Variants in CLINT1 observed in about 807,000 individuals in gnomAD.
CLINT1 encodes clathrin interactor 1.
A neutral mutation model predicts 70.4 loss-of-function variants in CLINT1; 15 were observed. The ratio of observed to expected loss-of-function variants is 0.21; its 90% CI spans 0.14 to 0.33. CLINT1 has a LOEUF of 0.33. CLINT1 is among the 10% of genes least tolerant of loss of function. The pLI, the probability that CLINT1 is intolerant of heterozygous loss-of-function variation, is 1.00. For synonymous variants in CLINT1, 227 were observed against 254.7 expected (o/e 0.89, Z 1.04); for missense variants, 615 against 778.1 (o/e 0.79, Z 2.49).
chr5:157,842,713 C>A (rs17055032), intron 1 of CLINT1, among the ~76,000 whole-genome samples: 22,051 of 152,112 alleles, frequency 0.14, 1,671 homozygotes, highest in African/African-American at 0.17. Context: ...TTCCTCAAAT[C>A]CAATTTTCAA....
At position 157,813,273 on chromosome 5, in the gene CLINT1, T is replaced by C. The variant is rs745313082; in HGVS notation, c.353-46A>G. 1.8e-5 allele frequency: 28 copies of C among 1,547,234 alleles called. No homozygotes were observed. In the Admixed American group the frequency reaches 1.8e-4, roughly 10 times the overall value. On this transcript the variant is annotated intron_variant, in intron 4 of 11. Coordinates refer to ENST00000411809, the MANE Select transcript of CLINT1 (RefSeq NM_014666.4). ...AAGCAAAACCTAAGAATTCACTTAA[T>C]ATGTATCAAGCTCTTTAAGATTAAA...
At chr5:157,840,376 G>A (rs191076213) in intron 1 of CLINT1, among the ~76,000 whole-genome samples, 3 of 151,834 alleles carry the variant, frequency 2.0e-5, no homozygotes, top group Non-Finnish European at 2.9e-5. Context: ...ATGAAATCCT[G>A]GAATGGGACA....
intron 1 of CLINT1, among the ~76,000 whole-genome samples, chr5:157,819,456 C>T (rs899307800): frequency 2.8e-4 from 43 of 152,200 alleles, no homozygotes; most frequent in African/African-American, 9.1e-4. Flanking sequence ...AATACATTTT[C>T]GTTAAAATCC....
At chr5:157,801,898 G>GTT (rs35066308) in intron 8 of CLINT1, among the ~76,000 whole-genome samples, 2 of 146,362 alleles carry the variant, frequency 1.4e-5, no homozygotes, top group Non-Finnish European at 3.0e-5. Flanking sequence ...TTAAGTTAAA[G>GTT]TTTTTTTTTT....
chr5:157,840,072 A>G (rs1312226730), intron 1 of CLINT1, among the ~76,000 whole-genome samples: 2 of 151,630 alleles, frequency 1.3e-5, no homozygotes, highest in African/African-American at 4.8e-5. Flanking sequence ...TGATGGGCCT[A>G]TAGTCCCAGC....
chr5:157,838,264 AGGCACCTGCCACCAC>A (rs1763503139), intron 1 of CLINT1, among the ~76,000 whole-genome samples: 1 of 151,862 alleles, frequency 6.6e-6, no homozygotes, highest in African/African-American at 2.4e-5. Context: ...CTGGGATTGC[AGGCACCTGCCACCAC>A]GCCCAGCTAA....
At chr5:157,815,031 A>G (rs1488818920) in intron 3 of CLINT1, among the ~76,000 whole-genome samples, 2 of 136,488 alleles carry the variant, frequency 1.5e-5, no homozygotes, top group African/African-American at 5.3e-5. Context: ...ACTCTGTCTC[A>G]AAAAAAAAAA....
Position 157,796,428 on chromosome 5 carries a change from C to T in CLINT1, c.1013-1456G>A, listed in dbSNP as rs551764749. Reference sequence around the variant, plus strand: ...ACCAATATCTGAAACTTTAAATAGTCGTCCTTATTTTTGTCTGTCCTTAAA... The same window carrying T: ...ACCAATATCTGAAACTTTAAATAGTTGTCCTTATTTTTGTCTGTCCTTAAA... On this transcript the variant is annotated intron_variant, in intron 8 of 11. Transcript: ENST00000411809. Among the ~76,000 whole-genome samples, 16 of 152,200 alleles carry T rather than the reference C, an allele frequency of 1.1e-4. 1 individual carries two copies. In the South Asian group the frequency reaches 2.1e-3, roughly 20 times the overall value.
intron 11 of CLINT1, 118 bp from the exon 12 acceptor site, chr5:157,788,110 T>C: frequency 1.2e-6 from 1 of 807,248 alleles, no homozygotes; most frequent in South Asian, 1.5e-5. Flanking sequence ...ATAAAATTCC[T>C]TTACAGTGAT....
chr5:157,789,549 T>C (rs1362715922), intron 10 of CLINT1, 36 bp from the exon 11 acceptor site: 5 of 1,613,808 alleles, frequency 3.1e-6, no homozygotes, highest in Non-Finnish European at 3.4e-6. Flanking sequence ...TGCAGCACTG[T>C]GCTAACATTT....
At chr5:157,816,430 T>C (rs986199913) in intron 3 of CLINT1, among the ~76,000 whole-genome samples, 7 of 152,204 alleles carry the variant, frequency 4.6e-5, no homozygotes, top group African/African-American at 1.7e-4. Context: ...TAACTGCTCA[T>C]ACACTAAACA....
intron 1 of CLINT1, among the ~76,000 whole-genome samples, chr5:157,849,593 T>C (rs1009331378): frequency 2.0e-5 from 3 of 152,234 alleles, no homozygotes; most frequent in African/African-American, 7.2e-5. Flanking sequence ...TGTAAAAGAT[T>C]AGCATAAACT....
At chr5:157,838,192 G>T (rs565836804) in intron 1 of CLINT1, among the ~76,000 whole-genome samples, 1 of 146,472 alleles carries the variant, frequency 6.8e-6, no homozygotes, top group Non-Finnish European at 1.5e-5. Context: ...GCACGATCTC[G>T]GCTCACTGCA....
At chr5:157,816,896 T>C in intron 2 of CLINT1, 66 bp from the exon 3 acceptor site, 1 of 1,183,522 alleles carries the variant, frequency 8.4e-7, no homozygotes, top group Admixed American at 2.5e-5. Context: ...GGCAGACTTG[T>C]TCTAATTTGG....
intron 1 of CLINT1, among the ~76,000 whole-genome samples, chr5:157,830,749 T>TCTCC (rs1763199438): frequency 9.1e-6 from 1 of 109,742 alleles, no homozygotes; most frequent in Non-Finnish European, 1.8e-5. Flanking sequence ...TGCCCCTCCC[T>TCTCC]CTCTCTCCCT....
rs749234588 is a variant in CLINT1, at chr5:157,839,609, TA to T, written c.41+19320del. Among the ~76,000 whole-genome samples the T allele has an allele frequency of 3.9e-4, 49 of 127,094 alleles. No homozygotes were observed. The East Asian group carries it at 4.0e-3, about 10-fold the overall frequency. 83.4% of individuals were successfully genotyped at this position (127,094 alleles called of 152,430 possible). ...GAGCGAGACTCAGTCTTAAATAAAA[TA>T]AAAAAAAAAAACAAACAAAAAAAAA... On this transcript the variant is annotated intron_variant, in intron 1 of 11. Transcript: ENST00000411809.
At chr5:157,837,816 G>C (rs950548402) in intron 1 of CLINT1, among the ~76,000 whole-genome samples, 3 of 151,728 alleles carry the variant, frequency 2.0e-5, no homozygotes, top group African/African-American at 4.8e-5. Flanking sequence ...GCTAACTTTT[G>C]TGTTTTTAGT....
chr5:157,822,188 G>A (rs1762898092), intron 1 of CLINT1, among the ~76,000 whole-genome samples: 1 of 151,598 alleles, frequency 6.6e-6, no homozygotes, highest in African/African-American at 2.4e-5. Context: ...GTGGTAGTGA[G>A]TAAGTCTCAC....
rs559514233 is a variant in CLINT1 at position 157,787,223 on chromosome 5, G to A, written c.*423C>T. ...TTCATATATGGACTCAAGAGTGGTA[G>A]TAAAAGGAACAGACCCAATTATGAC... On this transcript the variant is annotated 3_prime_UTR_variant, in exon 12 of 12. Coordinates refer to ENST00000411809, the MANE Select transcript of CLINT1 (RefSeq NM_014666.4). 6.2e-6 allele frequency: 1 copy of A among 160,402 alleles called. No homozygotes were observed. The highest frequency in any genetic ancestry group is 2.4e-5 in the African/African-American group (1 of 41,608). The allele number at this position is 160,402 out of a possible 1,614,324, so 9.9% of individuals were successfully genotyped here. A position where few individuals can be genotyped will look rare whatever the true frequency, so the allele number is the denominator to read the frequency against.
Sources: allele counts gnomAD v4.1 joint callset (sites outside exome capture counted in the v4.1 genomes callset), GRCh38; gene constraint gnomAD v4.1.1; transcripts MANE v1.5; gene names NCBI Gene and HGNC (gene_info 2026-07-23, HGNC 2026-07-21).